The following ROBO2 variants were observed in gnomAD, a reference collection of about 807,000 sequenced individuals.
ROBO2 encodes the protein roundabout homolog 2.
A neutral mutation model predicts 160.8 loss-of-function variants in ROBO2; 53 were observed. The observed-to-expected ratio is 0.33, with a 90% confidence interval of 0.26 to 0.41. The LOEUF (loss-of-function observed/expected upper bound fraction) is 0.41, where lower values mean the gene tolerates loss of function less well. ROBO2 is among the 10% of genes least tolerant of loss of function. The pLI is 1.00. For synonymous variants in ROBO2, 664 were observed against 611.7 expected (o/e 1.09, Z -1.26); for missense variants, 1,577 against 1,722.4 (o/e 0.92, Z 1.49).
chr3:77,639,956 G>C (rs959636474), intron 24 of ROBO2, among the ~76,000 whole-genome samples: 2 of 152,146 alleles, frequency 1.3e-5, no homozygotes, highest in Non-Finnish European at 2.9e-5. Flanking sequence ...ACAAAGGTTG[G>C]ATTTTGGAGG....
chr3:77,368,527 G>A (rs1581398741), intron 2 of ROBO2, among the ~76,000 whole-genome samples: 1 of 152,248 alleles, frequency 6.6e-6, no homozygotes, highest in East Asian at 1.9e-4. Context: ...CTCATTAGCT[G>A]ATACTGCTCT....
intron 9 of ROBO2, among the ~76,000 whole-genome samples, chr3:77,558,942 T>C (rs1338706231): frequency 6.6e-6 from 1 of 152,042 alleles, no homozygotes; most frequent in Non-Finnish European, 1.5e-5. Context: ...TCCAGTTAGG[T>C]GTCATTTAGA....
intron 2 of ROBO2, among the ~76,000 whole-genome samples, chr3:76,942,679 C>T (rs1288967170): frequency 6.6e-6 from 1 of 152,084 alleles, no homozygotes; most frequent in Non-Finnish European, 1.5e-5. Context: ...AAGTGCTGGT[C>T]TCAGGAAGAC....
intron 24 of ROBO2, among the ~76,000 whole-genome samples, chr3:77,639,138 C>T (rs1014322051): frequency 1.3e-5 from 2 of 152,070 alleles, no homozygotes; most frequent in African/African-American, 4.8e-5. Flanking sequence ...CCCCTTTCCC[C>T]TAGTTCTTAA....
chr3:76,003,633 A>C (rs2065946593), intron 2 of ROBO2, among the ~76,000 whole-genome samples: 1 of 152,198 alleles, frequency 6.6e-6, no homozygotes. Context: ...AGATTCAACC[A>C]ACTATGGATA....
intron 2 of ROBO2, among the ~76,000 whole-genome samples, chr3:76,876,532 A>G (rs2072740691): frequency 6.6e-6 from 1 of 152,092 alleles, no homozygotes; most frequent in Admixed American, 6.5e-5. Context: ...AAAATGAGCC[A>G]GGCATGGTGG....
In ROBO2 at chr3:77,094,202, C is replaced by T. The variant is rs562397178; in HGVS notation, c.62-3812C>T. On this transcript the variant is annotated intron_variant, in intron 1 of 25. Coordinates refer to ENST00000461745, the Ensembl canonical transcript of ROBO2. ...CCAGCATTGATCTACATTCTATGTC[C>T]GTGGATTTTCCTTCTCTGGACATGT... Among the ~76,000 whole-genome samples the T allele has an allele frequency of 1.0e-3, 156 of 152,200 alleles. 2 individuals are homozygous for T. The South Asian group carries it at 0.016, about 15-fold the overall frequency.
At chr3:77,359,438 C>T (rs976235091) in intron 2 of ROBO2, among the ~76,000 whole-genome samples, 1 of 152,058 alleles carries the variant, frequency 6.6e-6, no homozygotes, top group Admixed American at 6.5e-5. Context: ...AGAAAGCATC[C>T]GTTTTGAAAA....
intron 2 of ROBO2, among the ~76,000 whole-genome samples, chr3:76,836,426 T>TA (rs937637768): frequency 5.4e-4 from 80 of 148,744 alleles, no homozygotes; most frequent in Non-Finnish European, 1.1e-3. Flanking sequence ...CAGTATGTGT[T>TA]AATTTTTTTG....
At chr3:77,521,215 A>G (rs1395274112) in intron 5 of ROBO2, among the ~76,000 whole-genome samples, 1 of 151,190 alleles carries the variant, frequency 6.6e-6, no homozygotes, top group Non-Finnish European at 1.5e-5. Context: ...ATTTAAGTAT[A>G]TTGCCAACTC....
intron 2 of ROBO2, among the ~76,000 whole-genome samples, chr3:77,250,213 G>A (rs961863939): frequency 2.6e-5 from 4 of 152,044 alleles, no homozygotes; most frequent in Non-Finnish European, 5.9e-5. Flanking sequence ...TTCATTCTTG[G>A]TCAAGTTATT....
At chr3:76,749,537 G>T (rs1576402521) in intron 2 of ROBO2, among the ~76,000 whole-genome samples, 1 of 152,000 alleles carries the variant, frequency 6.6e-6, no homozygotes, top group East Asian at 1.9e-4. Context: ...TATTTGAGTA[G>T]AATTTATCAA....
At chr3:75,952,203 A>G (rs1217588072) in intron 2 of ROBO2, among the ~76,000 whole-genome samples, 2 of 151,952 alleles carry the variant, frequency 1.3e-5, no homozygotes, top group Admixed American at 1.3e-4. Flanking sequence ...GTTCTTCTCA[A>G]TATTTTTTTT....
At chr3:77,071,760 T>C (rs1209608008) in intron 1 of ROBO2, among the ~76,000 whole-genome samples, 1 of 152,202 alleles carries the variant, frequency 6.6e-6, no homozygotes, top group African/African-American at 2.4e-5. Flanking sequence ...CAGTTTCCTA[T>C]GGCAAAGGGA....
intron 2 of ROBO2, among the ~76,000 whole-genome samples, chr3:77,423,042 C>A (rs914649178): frequency 2.0e-5 from 3 of 152,112 alleles, no homozygotes; most frequent in Non-Finnish European, 4.4e-5. Flanking sequence ...ATTAATAAAG[C>A]AGATTTCCTG....
At chr3:76,202,497 T>G (rs1456153997) in intron 2 of ROBO2, among the ~76,000 whole-genome samples, 4 of 152,198 alleles carry the variant, frequency 2.6e-5, no homozygotes, top group African/African-American at 9.6e-5. Context: ...ACAAAGGATG[T>G]TGCTTGGCAT....
chr3:77,182,917 C>T (rs2068484), intron 2 of ROBO2, among the ~76,000 whole-genome samples: 44,003 of 151,910 alleles, frequency 0.29, 7,834 homozygotes, highest in Middle Eastern at 0.47. Flanking sequence ...TTTATTTAAG[C>T]ATTTCTGTAT....
chr3:76,638,034 T>C (rs2090434383), intron 2 of ROBO2, among the ~76,000 whole-genome samples: 1 of 152,192 alleles, frequency 6.6e-6, no homozygotes, highest in Non-Finnish European at 1.5e-5. Flanking sequence ...AGGGTTCCTT[T>C]TTGTTTAAAA....
At chr3:76,215,765 A>G (rs567733662) in intron 2 of ROBO2, among the ~76,000 whole-genome samples, 1 of 152,338 alleles carries the variant, frequency 6.6e-6, no homozygotes, top group African/African-American at 2.4e-5. Flanking sequence ...AACTTCCCCA[A>G]TCTAGCAAGG....
Sources: allele counts gnomAD v4.1 joint callset (sites outside exome capture counted in the v4.1 genomes callset), GRCh38; gene constraint gnomAD v4.1.1; transcripts MANE v1.5; gene names NCBI Gene and HGNC (gene_info 2026-07-23, HGNC 2026-07-21).